Variants in FALEC observed in about 807,000 individuals in gnomAD.
FALEC encodes the protein focally amplified lncRNA regulator of ECM1.
At chr1:150,518,516 C>T (rs1670600074), downstream of FALEC, among the ~76,000 whole-genome samples, 1 of 151,750 alleles carries the variant, frequency 6.6e-6, no homozygotes, top group South Asian at 2.1e-4. Context: ...TCCCAAGTAG[C>T]TGCAATTACA....
downstream of FALEC, among the ~76,000 whole-genome samples, chr1:150,522,648 C>T (rs2101458500): frequency 6.6e-6 from 1 of 150,856 alleles, no homozygotes. Context: ...AAGAAGTTGG[C>T]AGCACTGTCC....
At chr1:150,520,103 C>G (rs907765570), downstream of FALEC, among the ~76,000 whole-genome samples, 1 of 152,058 alleles carries the variant, frequency 6.6e-6, no homozygotes, top group Non-Finnish European at 1.5e-5. Context: ...GAGCCAAGAT[C>G]ACACCATTGC....
chr1:150,531,773 G>A, the FALEC span, among the ~76,000 whole-genome samples: 1 of 152,198 alleles, frequency 6.6e-6, no homozygotes, highest in African/African-American at 2.4e-5. Context: ...CACACAGGAT[G>A]CCCTGCTTCT....
chr1:150,524,988 C>T, the FALEC span, among the ~76,000 whole-genome samples: 1 of 137,902 alleles, frequency 7.3e-6, no homozygotes, highest in African/African-American at 2.8e-5. Context: ...GAGTGAAACC[C>T]TGTCTTGAAA....
downstream of FALEC, among the ~76,000 whole-genome samples, chr1:150,518,680 G>A (rs587709256): frequency 6.6e-6 from 1 of 152,022 alleles, no homozygotes; most frequent in Admixed American, 6.6e-5. Context: ...GAGCCACCGT[G>A]CCCAGCAATA....
chr1:150,532,773 GAAA>G, the FALEC span, among the ~76,000 whole-genome samples: 1 of 140,450 alleles, frequency 7.1e-6, no homozygotes, highest in Non-Finnish European at 1.6e-5. Flanking sequence ...ACTGACTAAG[GAAA>G]AAAAAAAAAG....
chr1:150,527,064 C>A, the FALEC span, among the ~76,000 whole-genome samples: 3 of 150,162 alleles, frequency 2.0e-5, no homozygotes, highest in Non-Finnish European at 4.4e-5. Flanking sequence ...GCCTCCCTCC[C>A]GAGAAGTTGG....
the FALEC span, among the ~76,000 whole-genome samples, chr1:150,531,521 G>A: frequency 6.6e-6 from 1 of 151,894 alleles, no homozygotes; most frequent in Non-Finnish European, 1.5e-5. Context: ...GCGGTCACTT[G>A]CTGGGGAAAC....
chr1:150,522,633 AAAAC>A (rs1159360060), downstream of FALEC, among the ~76,000 whole-genome samples: 5 of 151,714 alleles, frequency 3.3e-5, no homozygotes, highest in African/African-American at 1.2e-4. Context: ...AAAAAAAAAA[AAAAC>A]AAGAAGTTGG....
intron 1 of FALEC, among the ~76,000 whole-genome samples, chr1:150,516,286 G>A (rs1670569155): frequency 1.3e-5 from 2 of 152,080 alleles, no homozygotes; most frequent in Non-Finnish European, 2.9e-5. Context: ...GTCTGTGCAG[G>A]AGCTTCCCGG....
At chr1:150,527,351 C>T in the FALEC span, among the ~76,000 whole-genome samples, 4 of 151,260 alleles carry the variant, frequency 2.6e-5, no homozygotes, top group Non-Finnish European at 4.4e-5. Flanking sequence ...CTCTGCCTCC[C>T]GGGTTCAAGC....
chr1:150,522,620 C>CA (rs752542427), downstream of FALEC, among the ~76,000 whole-genome samples: 1,476 of 111,264 alleles, frequency 0.013, 36 homozygotes, highest in African/African-American at 0.044. Flanking sequence ...GAGACTCTGT[C>CA]AAAAAAAAAA....
At chr1:150,526,790 C>T in the FALEC span, among the ~76,000 whole-genome samples, 1 of 151,868 alleles carries the variant, frequency 6.6e-6, no homozygotes, top group Non-Finnish European at 1.5e-5. Context: ...CCCACCACCA[C>T]GCCCGGCTAA....
the FALEC span, among the ~76,000 whole-genome samples, chr1:150,534,677 A>G: frequency 6.6e-6 from 1 of 151,984 alleles, no homozygotes; most frequent in Non-Finnish European, 1.5e-5. Context: ...CCCCGTCTGT[A>G]CTAAAAATAC....
chr1:150,523,579 G>A, the FALEC span, among the ~76,000 whole-genome samples: 10 of 151,084 alleles, frequency 6.6e-5, no homozygotes, highest in African/African-American at 9.7e-5. Flanking sequence ...GCGTGAACCC[G>A]GGAGGCAGAG....
At chr1:150,527,505 C>T in the FALEC span, among the ~76,000 whole-genome samples, 5 of 151,518 alleles carry the variant, frequency 3.3e-5, no homozygotes, top group African/African-American at 4.9e-5. Context: ...GTGATCTGCC[C>T]GCCTCAGCCT....
the FALEC span, among the ~76,000 whole-genome samples, chr1:150,525,211 C>G: frequency 6.6e-6 from 1 of 152,034 alleles, no homozygotes; most frequent in Non-Finnish European, 1.5e-5. Flanking sequence ...CGCTTGAACC[C>G]AGTAGGCGGA....
the FALEC span, among the ~76,000 whole-genome samples, chr1:150,531,026 G>A: frequency 6.6e-6 from 1 of 152,132 alleles, no homozygotes; most frequent in African/African-American, 2.4e-5. Context: ...CACCATCTTT[G>A]CACAGAGAAT....
chr1:150,530,349 G>T, the FALEC span, among the ~76,000 whole-genome samples: 1 of 152,122 alleles, frequency 6.6e-6, no homozygotes, highest in South Asian at 2.1e-4. Context: ...CAGCAGCTGG[G>T]GGAGCACAGT....
Sources: gnomAD v4.1 joint callset for allele counts (sites outside exome capture counted in the v4.1 genomes callset) on GRCh38, gnomAD v4.1.1 for gene constraint, MANE v1.5 for transcripts, NCBI Gene and HGNC (gene_info 2026-07-23, HGNC 2026-07-21) for gene names.